SLCO4C1: variants seen among roughly 807,000 people sequenced by gnomAD.
The protein encoded by SLCO4C1 is organic anion transporter M1.
In SLCO4C1, 58 loss-of-function variants were observed where a neutral mutation model predicts 72.1. The ratio of observed to expected loss-of-function variants is 0.80; its 90% confidence interval spans 0.65 to 1.00. The LOEUF (loss-of-function observed/expected upper bound fraction) is 1.00, where lower values mean the gene tolerates loss of function less well. Among genes scored for constraint, SLCO4C1 ranks in the 50% least tolerant of loss-of-function variants. The pLI is 0.00. For synonymous variants in SLCO4C1, 297 were observed against 312.5 expected, an observed-to-expected ratio of 0.95 and a Z score of 0.52; for missense variants, 898 against 857.9, an observed-to-expected ratio of 1.05 and a Z score of -0.58.
chr5:102,248,434 T>A (rs1748676385), intron 9 of SLCO4C1, among the ~76,000 whole-genome samples: 1 of 152,130 alleles, frequency 6.6e-6, no homozygotes, highest in Non-Finnish European at 1.5e-5. Context: ...AGTAATTATC[T>A]TAGCATTTGG....
intron 5 of SLCO4C1, among the ~76,000 whole-genome samples, chr5:102,261,461 TA>T (rs542691491): frequency 0.14 from 18,853 of 130,720 alleles, 1,349 homozygotes; most frequent in African/African-American, 0.2. Context: ...TCACATACAG[TA>T]AAAAAAAAAA....
At chr5:102,265,030 G>A (rs1284338128) in intron 3 of SLCO4C1, among the ~76,000 whole-genome samples, 2 of 151,798 alleles carry the variant, frequency 1.3e-5, no homozygotes, top group East Asian at 3.9e-4. Context: ...ATCTGTTGAC[G>A]AATATTTAGC....
intron 10 of SLCO4C1, among the ~76,000 whole-genome samples, chr5:102,244,175 G>A (rs556489194): frequency 1.1e-4 from 16 of 152,226 alleles, no homozygotes; most frequent in South Asian, 2.1e-4. Context: ...GCAACAGAGC[G>A]AGACTCCATC....
rs368893866 is a variant in SLCO4C1 at position 102,263,745 on chromosome 5, T to C, written c.838A>G (p.Ile280Val). The C allele has an allele frequency of 1.7e-5, 28 of 1,612,728 alleles. No individual in the cohort carries two copies. Among genetic ancestry groups the C allele is most frequent in the Non-Finnish European group, 2.3e-5 (27 of 1,179,198 alleles). The change falls in exon 4 of 13, where the codon ATT (isoleucine) becomes GTT (valine). Residue 280 changes from isoleucine (I) to valine (V), a missense_variant. Ile to Val is a conservative substitution (Grantham distance 29). Coordinates refer to ENST00000310954, the MANE Select transcript of SLCO4C1 (RefSeq NM_180991.5). Reference sequence around the variant, plus strand: ...AGTTGTCCTCCCAATACATAGCCAATAGCAGGGCCTAAGATTGACATAGCA... The same window carrying C: ...AGTTGTCCTCCCAATACATAGCCAACAGCAGGGCCTAAGATTGACATAGCA... ...GYAMSILGPA[I>V]GYVLGGQLLT...
intron 2 of SLCO4C1, among the ~76,000 whole-genome samples, chr5:102,290,879 T>C (rs1247355172): frequency 6.6e-6 from 1 of 152,236 alleles, no homozygotes; most frequent in African/African-American, 2.4e-5. Flanking sequence ...GTTCTATGTT[T>C]CTTATCTAGG....
Position 102,293,334 on chromosome 5 carries a change from C to T in SLCO4C1, c.356-1728G>A, listed in dbSNP as rs193062977. Among the ~76,000 whole-genome samples the T allele has an allele frequency of 1.7e-3, 255 of 152,004 alleles. 4 individuals are homozygous for T. Among genetic ancestry groups the T allele is most frequent in the East Asian group, 5.8e-3 (30 of 5,170 alleles). On this transcript the variant is annotated intron_variant, in intron 1 of 12. Transcript: ENST00000310954. ...GAATTGTCTTTATGGTAAAACTTCT[C>T]TTTGAAAAAAAAATTTGTAAACTCC...
At chr5:102,266,150 C>T (rs1469605383) in intron 3 of SLCO4C1, among the ~76,000 whole-genome samples, 2 of 151,994 alleles carry the variant, frequency 1.3e-5, no homozygotes, top group Non-Finnish European at 2.9e-5. Context: ...TTTAATGTGA[C>T]TTTGTACCCT....
At chr5:102,261,858 C>T in intron 5 of SLCO4C1, 54 bp downstream of exon 5, 1 of 1,522,282 alleles carries the variant, frequency 6.6e-7, no homozygotes, top group Admixed American at 2.1e-5. Flanking sequence ...TAGAAAATAG[C>T]AACTGGCCTA....
chr5:102,277,613 C>G (rs1448204876), intron 2 of SLCO4C1, among the ~76,000 whole-genome samples: 3 of 151,960 alleles, frequency 2.0e-5, no homozygotes, highest in African/African-American at 7.3e-5. Context: ...CACCACCACC[C>G]AACAGTAACA....
intron 11 of SLCO4C1, among the ~76,000 whole-genome samples, chr5:102,240,513 G>A (rs1311872193): frequency 2.0e-5 from 3 of 152,000 alleles, no homozygotes; most frequent in Non-Finnish European, 1.5e-5. Flanking sequence ...AACATAGTTG[G>A]AACAGGTAAC....
Position 102,251,752 on chromosome 5 carries a change from C to A in SLCO4C1, c.1470-1964G>T, listed in dbSNP as rs542783001. Among the ~76,000 whole-genome samples, 11 of 152,170 alleles carry A rather than the reference C, an allele frequency of 7.2e-5. No individual in the cohort carries two copies. In the East Asian group the frequency reaches 2.1e-3, roughly 29 times the overall value. ...TGAATGGAGCTAGATTTCTTAATAACCATTTGGACATAGATGTAGCTGAAA... is the reference window on the plus strand; with the variant it reads ...TGAATGGAGCTAGATTTCTTAATAAACATTTGGACATAGATGTAGCTGAAA... On this transcript the variant is annotated intron_variant, in intron 8 of 12. Coordinates refer to ENST00000310954, the MANE Select transcript of SLCO4C1 (RefSeq NM_180991.5).
At chr5:102,264,973 G>T (rs1313881361) in intron 3 of SLCO4C1, among the ~76,000 whole-genome samples, 2 of 150,792 alleles carry the variant, frequency 1.3e-5, no homozygotes, top group Admixed American at 6.6e-5. Flanking sequence ...TTTTTTTTAT[G>T]GCTGAATAGT....
Position 102,235,167 on chromosome 5 carries a change from T to A in SLCO4C1, c.*1691A>T, listed in dbSNP as rs1245482172. 1 of 152,168 alleles carries A rather than the reference T, an allele frequency of 6.6e-6. No individual in the cohort carries two copies. Among genetic ancestry groups the A allele is most frequent in the Non-Finnish European group, 1.5e-5 (1 of 68,040 alleles). 9.4% of individuals were successfully genotyped at this position (152,168 alleles called of 1,614,324 possible). ...GGCCATAGATTACCACAAAACATAA[T>A]TTCTTAAATTCTGCAAATTTCTAAT... On this transcript the variant is annotated 3_prime_UTR_variant, in exon 13 of 13. Transcript: ENST00000310954.
At chr5:102,256,842 A>G (rs1748844226) in intron 8 of SLCO4C1, among the ~76,000 whole-genome samples, 1 of 152,216 alleles carries the variant, frequency 6.6e-6, no homozygotes, top group Non-Finnish European at 1.5e-5. Context: ...CTTAGAGGCA[A>G]AAATCCTACA....
At chr5:102,282,447 C>A (rs1580265131) in intron 2 of SLCO4C1, among the ~76,000 whole-genome samples, 1 of 151,532 alleles carries the variant, frequency 6.6e-6, no homozygotes, top group South Asian at 2.1e-4. Flanking sequence ...TTAGTATTAC[C>A]CAAATTGTCT....
chr5:102,289,039 G>A (rs774568878), intron 2 of SLCO4C1, among the ~76,000 whole-genome samples: 14 of 152,046 alleles, frequency 9.2e-5, no homozygotes, highest in Non-Finnish European at 1.9e-4. Context: ...ATAACAGGAG[G>A]GCAAGCTGAG....
Position 102,236,583 on chromosome 5 carries a change from T to TGC in SLCO4C1, c.*274_*275insGC. On this transcript the variant is annotated 3_prime_UTR_variant, in exon 13 of 13. Coordinates refer to ENST00000310954, the MANE Select transcript of SLCO4C1 (RefSeq NM_180991.5). ...TAGGAAATAAGTGTGTATGTGTGCG[T>TGC]GTGTGTGTGTGTGTGTGTGTTCGTG... is the stretch of plus-strand genomic sequence containing the variant. 4.8e-5 allele frequency: 4 copies of TGC among 84,130 alleles called. No individual in the cohort carries two copies. The highest frequency in any genetic ancestry group is 6.0e-5 in the Non-Finnish European group (2 of 33,568). 5.2% of individuals were successfully genotyped at this position (84,130 alleles called of 1,614,324 possible).
At chr5:102,264,717 G>T (rs1192299685) in intron 3 of SLCO4C1, among the ~76,000 whole-genome samples, 1 of 151,882 alleles carries the variant, frequency 6.6e-6, no homozygotes, top group Non-Finnish European at 1.5e-5. Context: ...TAGAACACCA[G>T]AATTTATTTC....
chr5:102,248,521 C>T (rs1361826386), intron 9 of SLCO4C1, among the ~76,000 whole-genome samples: 1 of 152,004 alleles, frequency 6.6e-6, no homozygotes, highest in Admixed American at 6.6e-5. Flanking sequence ...ATTAGATTTT[C>T]TGTGTTGTTC....
Sources: gnomAD v4.1 joint callset for allele counts (sites outside exome capture counted in the v4.1 genomes callset) on GRCh38, gnomAD v4.1.1 for gene constraint, MANE v1.5 for transcripts, NCBI Gene and HGNC (gene_info 2026-07-23, HGNC 2026-07-21) for gene names.